Variants in RO60 observed in about 807,000 individuals in gnomAD.
RO60 encodes the protein RNA-binding protein RO60.
Under a neutral mutation model 55.3 loss-of-function variants are expected in RO60, and 20 were observed. That is an observed-to-expected ratio of 0.36 (90% CI 0.25 to 0.53). The LOEUF (loss-of-function observed/expected upper bound fraction) is 0.53. RO60 is among the 20% of genes least tolerant of loss of function. The pLI, the probability that RO60 is intolerant of heterozygous loss-of-function variation, is 0.92. For synonymous variants in RO60, 213 were observed against 213.6 expected (o/e 1.00, Z 0.02); for missense variants, 558 against 646.6 (o/e 0.86, Z 1.49).
At chr1:193,073,929 T>C (rs1382912125) in intron 2 of RO60, among the ~76,000 whole-genome samples, 1 of 138,178 alleles carries the variant, frequency 7.2e-6, no homozygotes, top group East Asian at 2.1e-4. Flanking sequence ...GATGTTCCCC[T>C]TCCTGTGTCC....
At chr1:193,064,369 C>G (rs1200399178) in intron 1 of RO60, among the ~76,000 whole-genome samples, 4 of 152,190 alleles carry the variant, frequency 2.6e-5, no homozygotes, top group African/African-American at 9.7e-5. Context: ...ATTAATGTAA[C>G]AAAGACACTC....
chr1:193,085,557 C>T lies in RO60; in HGVS notation c.*826C>T, dbSNP rs529292413. 107 of 984,092 alleles carry T rather than the reference C, an allele frequency of 1.1e-4. No individual in the cohort carries two copies. Among genetic ancestry groups the T allele is most frequent in the Non-Finnish European group, 1.2e-4 (102 of 829,194 alleles). 61.0% of individuals were successfully genotyped at this position (984,092 alleles called of 1,614,324 possible). A position where few individuals can be genotyped will look rare whatever the true frequency, so the allele number is the denominator to read the frequency against. Reference sequence around the variant, plus strand: ...ATGTAGTCTCACACTGTTTTTCATACTCTTAAGTGTAAATAATATAAAATG... The same window carrying T: ...ATGTAGTCTCACACTGTTTTTCATATTCTTAAGTGTAAATAATATAAAATG... On this transcript the variant is annotated 3_prime_UTR_variant, in exon 9 of 9. Coordinates refer to ENST00000400968, the MANE Select transcript of RO60 (RefSeq NM_001173524.2).
chr1:193,075,719 G>A, intron 2 of RO60, 101 bp from the exon 3 acceptor site: 2 of 834,710 alleles, frequency 2.4e-6, no homozygotes, highest in East Asian at 2.5e-5. Context: ...TAACTCTTGT[G>A]TATCCAGTTA....
rs1458079451 is a variant in RO60, at chr1:193,087,834, G to C, written c.*3103G>C. The C allele has an allele frequency of 6.6e-6, 1 of 151,616 alleles. No individual in the cohort carries two copies. Among genetic ancestry groups the C allele is most frequent in the Non-Finnish European group, 1.5e-5 (1 of 67,960 alleles). The allele number at this position is 151,616 out of a possible 1,614,324, so 9.4% of individuals were successfully genotyped here. A position where few individuals can be genotyped will look rare whatever the true frequency, so the allele number is the denominator to read the frequency against. The stretch of plus-strand genomic sequence containing the variant: ...TTTTAGAAAAATAGCTCACTCAATA[G>C]GCCTAACAGTGTTTTAAAACATTCC... On this transcript the variant is annotated 3_prime_UTR_variant, in exon 9 of 9. Coordinates refer to ENST00000400968, the MANE Select transcript of RO60 (RefSeq NM_001173524.2).
At chr1:193,063,417 TTTA>T (rs1672912704) in intron 1 of RO60, among the ~76,000 whole-genome samples, 1 of 152,244 alleles carries the variant, frequency 6.6e-6, no homozygotes, top group Non-Finnish European at 1.5e-5. Flanking sequence ...TATTTATCAT[TTTA>T]TTATTAAGTT....
chr1:193,069,801 C>T (rs1054532856), intron 2 of RO60, among the ~76,000 whole-genome samples, 167 bp downstream of exon 2: 2 of 152,110 alleles, frequency 1.3e-5, no homozygotes, highest in Admixed American at 6.5e-5. Flanking sequence ...GGATTACACC[C>T]CTACCACAGG....
rs1438616152 is a variant in RO60, at chr1:193,059,670, T to C, written c.-128T>C. 1 of 1,372,138 alleles carries C rather than the reference T, an allele frequency of 7.3e-7. No homozygotes were observed. Among genetic ancestry groups the C allele is most frequent in the Non-Finnish European group, 9.7e-7 (1 of 1,027,716 alleles). 85.0% of individuals were successfully genotyped at this position (1,372,138 alleles called of 1,614,324 possible). The stretch of plus-strand genomic sequence containing the variant: ...GCGGCAGTGGGGCTGTTGCTGTTGC[T>C]GTGGCTGTCGCTGCCCGTCAGGCTG... On this transcript the variant is annotated 5_prime_UTR_variant, in exon 1 of 9. Transcript: ENST00000400968. The surrounding 1 kb of genome is among the most constrained non-coding windows in gnomAD (Gnocchi z 4.9).
intron 5 of RO60, among the ~76,000 whole-genome samples, chr1:193,078,075 C>A (rs535009565): frequency 1.1e-4 from 17 of 152,078 alleles, no homozygotes; most frequent in Non-Finnish European, 1.8e-4. Context: ...GATATTCATC[C>A]CTGGCATACA....
intron 1 of RO60, among the ~76,000 whole-genome samples, chr1:193,067,184 C>CTTTTT (rs1179476737): frequency 1.6e-4 from 21 of 129,048 alleles, no homozygotes; most frequent in Non-Finnish European, 2.2e-4. Context: ...TTTTTTCTTT[C>CTTTTT]TTTTTTTTTT....
intron 3 of RO60, among the ~76,000 whole-genome samples, chr1:193,076,251 T>C (rs1673909981): frequency 6.6e-6 from 1 of 152,116 alleles, no homozygotes; most frequent in African/African-American, 2.4e-5. Context: ...GAAAATCTAC[T>C]GCCTTGCTAA....
Position 193,088,095 on chromosome 1 carries a change from C to T in RO60, c.*3364C>T, listed in dbSNP as rs1434318217. On this transcript the variant is annotated 3_prime_UTR_variant, in exon 9 of 9. Transcript: ENST00000400968. ...TGATCACAGCTCACTGCAGCCTTGA[C>T]CTCCCAAGTTCAAGTGATCTTCCCA... 6.7e-6 allele frequency: 1 copy of T among 149,808 alleles called. No homozygotes were observed. The highest frequency in any genetic ancestry group is 1.5e-5 in the Non-Finnish European group (1 of 67,702). 9.3% of individuals were successfully genotyped at this position (149,808 alleles called of 1,614,324 possible).
rs1479747571 is a variant in RO60 at position 193,059,656 on chromosome 1, G to A, written c.-142G>A. On this transcript the variant is annotated 5_prime_UTR_variant, in exon 1 of 9. Transcript: ENST00000400968. The surrounding 1 kb of genome is among the most constrained non-coding windows in gnomAD (Gnocchi z 4.9). ...ACCTGGAATCCCCGGCGGCAGTGGG[G>A]CTGTTGCTGTTGCTGTGGCTGTCGC... 7.3e-7 allele frequency: 1 copy of A among 1,378,090 alleles called. No individual in the cohort carries two copies. Among genetic ancestry groups the A allele is most frequent in the Non-Finnish European group, 9.7e-7 (1 of 1,031,482 alleles). 85.4% of individuals were successfully genotyped at this position (1,378,090 alleles called of 1,614,324 possible).
intron 1 of RO60, among the ~76,000 whole-genome samples, chr1:193,063,342 G>A (rs568712269): frequency 3.4e-4 from 52 of 152,144 alleles, no homozygotes; most frequent in Admixed American, 3.1e-3. Context: ...CACCTTTTCA[G>A]ATTCTTTACC....
chr1:193,087,720 A>G lies in RO60; in HGVS notation c.*2989A>G, dbSNP rs1460152524. 3 of 152,114 alleles carry G rather than the reference A, an allele frequency of 2.0e-5. No homozygotes were observed. The highest frequency in any genetic ancestry group is 2.9e-5 in the Non-Finnish European group (2 of 68,012). 9.4% of individuals were successfully genotyped at this position (152,114 alleles called of 1,614,324 possible). Reference sequence around the variant, plus strand: ...TATTTGTATAAAAATTGAAACTGGGAAGAGGGCTTGCAATACAAGTTAGAA... The same window carrying G: ...TATTTGTATAAAAATTGAAACTGGGGAGAGGGCTTGCAATACAAGTTAGAA... On this transcript the variant is annotated 3_prime_UTR_variant, in exon 9 of 9. Coordinates refer to ENST00000400968, the MANE Select transcript of RO60 (RefSeq NM_001173524.2).
rs1674717614 is a variant in RO60, at chr1:193,088,418, CAA to C, written c.*3688_*3689del. On this transcript the variant is annotated 3_prime_UTR_variant, in exon 9 of 9. Coordinates refer to ENST00000400968, the MANE Select transcript of RO60 (RefSeq NM_001173524.2). ...TCTTATTTTCTAGATTTTACAGAAA[CAA>C]TGTGAAATTATTTTGGAAAGATAAG... The C allele has an allele frequency of 6.6e-6, 1 of 150,680 alleles. No homozygotes were observed. The highest frequency in any genetic ancestry group is 2.1e-4 in the South Asian group (1 of 4,800). 9.3% of individuals were successfully genotyped at this position (150,680 alleles called of 1,614,324 possible). A position where few individuals can be genotyped will look rare whatever the true frequency, so the allele number is the denominator to read the frequency against.
At chr1:193,060,600 A>G (rs575663306) in intron 1 of RO60, among the ~76,000 whole-genome samples, 3 of 152,192 alleles carry the variant, frequency 2.0e-5, no homozygotes, top group African/African-American at 7.2e-5. Context: ...GCCTTGTGCT[A>G]CAGATTATGT....
At chr1:193,070,037 C>G (rs980390808) in intron 2 of RO60, among the ~76,000 whole-genome samples, 7 of 151,632 alleles carry the variant, frequency 4.6e-5, no homozygotes, top group Admixed American at 4.6e-4. Context: ...GATATTCAAA[C>G]TTGGTCTCAG....
Position 193,069,536 on chromosome 1 carries a change from G to T in RO60, c.482G>T (p.Gly161Val). Reference sequence around the variant, plus strand: ...GCGGACTGGTACAATGAGAAAGGTGGCATGGCCCTTGCTCTGGCAGTTACA... The same window carrying T: ...GCGGACTGGTACAATGAGAAAGGTGTCATGGCCCTTGCTCTGGCAGTTACA... The part of the protein sequence containing the change: ...AIADWYNEKG[G>V]MALALAVTKY... Residue 161 changes from glycine (G) to valine (V), a missense_variant, in exon 2 of 9, where the codon GGC becomes GTC. Coordinates refer to ENST00000400968, the MANE Select transcript of RO60 (RefSeq NM_001173524.2). 1 of 1,614,178 alleles carries T rather than the reference G, an allele frequency of 6.2e-7. No homozygotes were observed. Among genetic ancestry groups the T allele is most frequent in the Non-Finnish European group, 8.5e-7 (1 of 1,180,030 alleles).
At chr1:193,073,784 C>T (rs1673687222) in intron 2 of RO60, among the ~76,000 whole-genome samples, 2 of 152,024 alleles carry the variant, frequency 1.3e-5, no homozygotes, top group Admixed American at 6.6e-5. Context: ...ATGTGCACAA[C>T]GTGCAGGTTT....
Sources: allele counts gnomAD v4.1 joint callset (sites outside exome capture counted in the v4.1 genomes callset), GRCh38; gene constraint gnomAD v4.1.1; non-coding constraint Gnocchi (gnomAD v3.1); transcripts MANE v1.5; gene names NCBI Gene and HGNC (gene_info 2026-07-23, HGNC 2026-07-21).